Variants in CEP128 observed in about 807,000 individuals in gnomAD.
CEP128 encodes centrosomal protein 128kDa.
In CEP128, 132 loss-of-function variants were observed where a neutral mutation model predicts 156.7. The observed-to-expected ratio is 0.84, with a 90% CI of 0.73 to 0.97. CEP128 has a LOEUF of 0.97. Ranked by LOEUF, CEP128 falls within the 50% of genes least tolerant of loss-of-function variation. The pLI, the probability that CEP128 is intolerant of heterozygous loss-of-function variation, is 0.00. For synonymous variants in CEP128, 469 were observed against 448.9 expected, an observed-to-expected ratio of 1.04 and a Z score of -0.57; for missense variants, 1,252 against 1,281.9, an observed-to-expected ratio of 0.98 and a Z score of 0.36.
chr14:80,863,020 A>G (rs1887594464), intron 8 of CEP128, 147 bp from the exon 9 acceptor site: 1 of 526,456 alleles, frequency 1.9e-6, no homozygotes, highest in Non-Finnish European at 3.3e-6. Context: ...TGACGCTAAC[A>G]TGAAATAGCT....
chr14:80,486,121 T>C (rs375361937), downstream of CEP128, among the ~76,000 whole-genome samples: 1 of 152,134 alleles, frequency 6.6e-6, no homozygotes, highest in East Asian at 1.9e-4. Context: ...TGCATTGTAG[T>C]TACTCAATAA....
chr14:80,768,107 T>C (rs1900331639), intron 16 of CEP128, among the ~76,000 whole-genome samples: 1 of 152,254 alleles, frequency 6.6e-6, no homozygotes, highest in South Asian at 2.1e-4. Flanking sequence ...ATACAACCAA[T>C]ACAACAATTT....
Position 80,890,707 on chromosome 14 carries a change from T to C in CEP128, c.645+5011A>G, listed in dbSNP as rs746932493. ...GCTTAAAACCTAGATGATGGGTTGA[T>C]GGGTGCAGCAAACCACCATGGTGCA... On this transcript the variant is annotated intron_variant, in intron 8 of 24. Transcript: ENST00000555265. Among the ~76,000 whole-genome samples the C allele has an allele frequency of 6.8e-4, 103 of 152,080 alleles. 1 individual carries two copies. Among genetic ancestry groups the C allele is most frequent in the Non-Finnish European group, 4.3e-4 (29 of 68,032 alleles).
chr14:80,554,795 T>G (rs1380140499), intron 21 of CEP128, among the ~76,000 whole-genome samples: 1 of 152,126 alleles, frequency 6.6e-6, no homozygotes. Context: ...TTTTTTTCTA[T>G]TTCATTAATT....
In CEP128 at chr14:80,786,850, A is replaced by C. The variant is rs145095548; in HGVS notation, c.1561-1305T>G. Among the ~76,000 whole-genome samples, 916 of 152,250 alleles carry C rather than the reference A, an allele frequency of 6.0e-3. 6 individuals are homozygous for C. The highest frequency in any genetic ancestry group is 5.5e-3 in the Non-Finnish European group (371 of 68,004). On this transcript the variant is annotated intron_variant, in intron 14 of 24. Coordinates refer to ENST00000555265, the MANE Select transcript of CEP128 (RefSeq NM_152446.5). ...AGAGCCAGGCCCAGTGGCACACCCT[A>C]TAATCCCAGCTATTTGGAAGGCTCA...
At chr14:80,705,211 C>G (rs895645712) in intron 19 of CEP128, among the ~76,000 whole-genome samples, 11 of 151,928 alleles carry the variant, frequency 7.2e-5, no homozygotes, top group African/African-American at 2.7e-4. Context: ...CAATTTCATG[C>G]ACTGAATTGC....
chr14:80,920,256 C>T (rs2065024684), intron 2 of CEP128, among the ~76,000 whole-genome samples: 1 of 152,040 alleles, frequency 6.6e-6, no homozygotes, highest in African/African-American at 2.4e-5. Flanking sequence ...CAAGAATCTC[C>T]GATCTATCAT....
intron 23 of CEP128, among the ~76,000 whole-genome samples, chr14:80,517,104 T>C (rs1271443236): frequency 6.6e-6 from 1 of 152,172 alleles, no homozygotes; most frequent in Non-Finnish European, 1.5e-5. Flanking sequence ...CTTTCATTCC[T>C]AATATTGGCC....
chr14:80,921,497 TTTC>T (rs1281435685), intron 2 of CEP128, among the ~76,000 whole-genome samples: 1 of 152,152 alleles, frequency 6.6e-6, no homozygotes, highest in Non-Finnish European at 1.5e-5. Flanking sequence ...ATAAAATCCT[TTTC>T]TTTATAAATT....
intron 19 of CEP128, among the ~76,000 whole-genome samples, chr14:80,683,364 G>A (rs1025028526): frequency 1.1e-4 from 16 of 152,070 alleles, no homozygotes; most frequent in Admixed American, 9.8e-4. Context: ...ATGTTAAAAT[G>A]ACAAAGAAGG....
At chr14:80,869,136 CA>C (rs754832247) in intron 8 of CEP128, among the ~76,000 whole-genome samples, 1 of 152,022 alleles carries the variant, frequency 6.6e-6, no homozygotes, top group Non-Finnish European at 1.5e-5. Flanking sequence ...ACCTAACAAA[CA>C]TATACAGAAC....
At chr14:80,800,171 C>A (rs541824430) in intron 13 of CEP128, among the ~76,000 whole-genome samples, 1 of 152,136 alleles carries the variant, frequency 6.6e-6, no homozygotes, top group African/African-American at 2.4e-5. Context: ...AAATTCCTCT[C>A]TTTGTACTCT....
At chr14:80,652,075 A>G (rs1426893799) in intron 19 of CEP128, among the ~76,000 whole-genome samples, 1 of 151,972 alleles carries the variant, frequency 6.6e-6, no homozygotes, top group Non-Finnish European at 1.5e-5. Flanking sequence ...CAAAGCTGAC[A>G]AAAACAAGCA....
At chr14:80,887,518 C>T (rs1169483547) in intron 8 of CEP128, among the ~76,000 whole-genome samples, 1 of 152,130 alleles carries the variant, frequency 6.6e-6, no homozygotes, top group East Asian at 1.9e-4. Context: ...CAATCTACCC[C>T]TGAATGACTA....
intron 19 of CEP128, among the ~76,000 whole-genome samples, chr14:80,610,593 A>G (rs1022644715): frequency 6.6e-6 from 1 of 152,156 alleles, no homozygotes; most frequent in Non-Finnish European, 1.5e-5. Flanking sequence ...CACTCTTAGT[A>G]AGAGCATAAA....
upstream of CEP128, among the ~76,000 whole-genome samples, chr14:80,943,719 G>C (rs1886258289): frequency 6.6e-6 from 1 of 152,096 alleles, no homozygotes; most frequent in Non-Finnish European, 1.5e-5. Flanking sequence ...TCAGGCCAGG[G>C]GTGCTGACTC....
At chr14:80,559,327 T>C (rs1890572039) in intron 20 of CEP128, 25 bp from the exon 21 acceptor site, 1 of 1,575,236 alleles carries the variant, frequency 6.3e-7, no homozygotes, top group Non-Finnish European at 8.6e-7. Context: ...TAATATATAA[T>C]TATAAAACGA....
intron 13 of CEP128, among the ~76,000 whole-genome samples, chr14:80,822,310 C>A (rs978381918): frequency 6.6e-6 from 1 of 152,172 alleles, no homozygotes; most frequent in Non-Finnish European, 1.5e-5. Context: ...AATGGGGGTA[C>A]AGGCATTGAG....
intron 4 of CEP128, among the ~76,000 whole-genome samples, chr14:80,909,559 A>C (rs1412425812): frequency 6.6e-6 from 1 of 152,222 alleles, no homozygotes; most frequent in East Asian, 1.9e-4. Context: ...GAAGATGAAT[A>C]GGATGATTTT....
Sources: allele counts gnomAD v4.1 joint callset (sites outside exome capture counted in the v4.1 genomes callset), GRCh38; gene constraint gnomAD v4.1.1; transcripts MANE v1.5; gene names NCBI Gene and HGNC (gene_info 2026-07-23, HGNC 2026-07-21).